The following TENT2 variants were observed in gnomAD, a reference collection of about 807,000 sequenced individuals.
The protein encoded by TENT2 is terminal nucleotidyltransferase 2.
TENT2 carries 44 observed loss-of-function variants against 72.2 expected under a neutral mutation model. That is an observed-to-expected ratio of 0.61 (90% CI 0.48 to 0.78). The LOEUF is 0.78. Ranked by LOEUF, TENT2 falls within the 30% of genes least tolerant of loss-of-function variation. The pLI, the probability that TENT2 is intolerant of heterozygous loss-of-function variation, is 0.00. For synonymous variants in TENT2, 212 were observed against 192.5 expected (o/e 1.10, Z -0.84); for missense variants, 541 against 569.6 (o/e 0.95, Z 0.51).
intron 14 of TENT2, among the ~76,000 whole-genome samples, chr5:79,682,309 C>T (rs149471946): frequency 1.2e-4 from 18 of 152,224 alleles, no homozygotes; most frequent in African/African-American, 4.3e-4. Flanking sequence ...GACGGAGTTT[C>T]ACTCTTGTTG....
At chr5:79,662,725 C>T (rs766909357) in intron 11 of TENT2, among the ~76,000 whole-genome samples, 10 of 152,050 alleles carry the variant, frequency 6.6e-5, no homozygotes, top group African/African-American at 1.2e-4. Flanking sequence ...AGAGCACTGG[C>T]GGAGTAAATT....
At chr5:79,665,323 T>G (rs1180241564) in intron 11 of TENT2, among the ~76,000 whole-genome samples, 1 of 152,212 alleles carries the variant, frequency 6.6e-6, no homozygotes, top group Non-Finnish European at 1.5e-5. Flanking sequence ...CTTAAGCCTT[T>G]CATCATTTAA....
intron 12 of TENT2, among the ~76,000 whole-genome samples, chr5:79,678,891 CTTTCTTTTCT>C (rs201529417): frequency 1.3e-4 from 19 of 151,934 alleles, no homozygotes; most frequent in South Asian, 6.2e-4. Context: ...TTTACTTGTA[CTTTCTTTTCT>C]TTTCTTTTCT....
intron 14 of TENT2, among the ~76,000 whole-genome samples, chr5:79,683,005 AAGT>A (rs1823269097): frequency 6.6e-6 from 1 of 152,138 alleles, no homozygotes; most frequent in African/African-American, 2.4e-5. Context: ...CTAGACATTC[AAGT>A]GGACTTTATT....
chr5:79,633,914 G>A (rs1777798865), intron 4 of TENT2, among the ~76,000 whole-genome samples: 3 of 149,406 alleles, frequency 2.0e-5, no homozygotes, highest in South Asian at 4.2e-4. Flanking sequence ...AGCACTTTGG[G>A]AGGCCGAGGC....
chr5:79,629,768 A>C (rs2150144122), intron 4 of TENT2, among the ~76,000 whole-genome samples: 1 of 151,332 alleles, frequency 6.6e-6, no homozygotes, highest in Non-Finnish European at 1.5e-5. Flanking sequence ...CAGAGCTTGC[A>C]GTGAGCCGAG....
intron 3 of TENT2, among the ~76,000 whole-genome samples, chr5:79,621,126 G>A (rs1380051156): frequency 6.6e-6 from 1 of 151,580 alleles, no homozygotes; most frequent in Admixed American, 6.6e-5. Flanking sequence ...AATAACACTA[G>A]CTAGGAGTTA....
rs1485018352 is a variant in TENT2, at chr5:79,685,322, T to A, written c.*49T>A. ...TCTTCCAAGAAATAAAGAACAATAG[T>A]TTCATCATAATACATTATGTTTACC... On this transcript the variant is annotated 3_prime_UTR_variant, in exon 15 of 15. Transcript: ENST00000453514. 7.4e-7 allele frequency: 1 copy of A among 1,358,120 alleles called. No homozygotes were observed. Among genetic ancestry groups the A allele is most frequent in the Non-Finnish European group, 1.0e-6 (1 of 978,920 alleles). The allele number at this position is 1,358,120 out of a possible 1,614,324, so 84.1% of individuals were successfully genotyped here.
chr5:79,647,824 C>T (rs1790377875), intron 8 of TENT2, among the ~76,000 whole-genome samples: 1 of 151,790 alleles, frequency 6.6e-6, no homozygotes, highest in Admixed American at 6.6e-5. Context: ...TCATTATTGC[C>T]GTATTTTCTA....
intron 12 of TENT2, among the ~76,000 whole-genome samples, chr5:79,677,665 T>C (rs959621901): frequency 7.2e-5 from 11 of 152,228 alleles, no homozygotes; most frequent in African/African-American, 2.4e-4. Context: ...ACTTAACTAG[T>C]ATAAAGTGAA....
rs909378373 is a variant in TENT2, at chr5:79,669,018, A to G, written c.1198A>G (p.Thr400Ala). 12 of 1,613,510 alleles carry G rather than the reference A, an allele frequency of 7.4e-6. No individual in the cohort carries two copies. Among genetic ancestry groups the G allele is most frequent in the Non-Finnish European group, 1.0e-5 (12 of 1,179,794 alleles). Residue 400 changes from threonine to alanine, a missense_variant, in exon 12 of 15, where the codon ACA (threonine) becomes GCA (alanine). Physicochemically the swap from Thr to Ala is moderately conservative, Grantham distance 58. Coordinates refer to ENST00000453514, the MANE Select transcript of TENT2 (RefSeq NM_001114394.3). ...LLLGFLKYYATEFDWNSQMIS... is the reference protein window; with the variant it reads ...LLLGFLKYYAAEFDWNSQMIS... ...ACTGGGCTTTCTTAAATATTATGCTACAGAATTTGAGTAAGTAAAACTTTA... is the reference window on the plus strand; with the variant it reads ...ACTGGGCTTTCTTAAATATTATGCTGCAGAATTTGAGTAAGTAAAACTTTA...
At chr5:79,665,412 AG>A (rs1420590782) in intron 11 of TENT2, among the ~76,000 whole-genome samples, 37 of 152,276 alleles carry the variant, frequency 2.4e-4, no homozygotes, top group African/African-American at 8.7e-4. Context: ...CAGACTTTGA[AG>A]GTAACGTAAG....
In TENT2 at chr5:79,686,860, T is replaced by TG. The variant is rs965652227; in HGVS notation, c.*1594dup. On this transcript the variant is annotated 3_prime_UTR_variant, in exon 15 of 15. Coordinates refer to ENST00000453514, the MANE Select transcript of TENT2 (RefSeq NM_001114394.3). ...TTATGCATTTGAGCTTTTCATATTT[T>TG]GGGGGGGAATTTTTCCTAAAATTTA... Among the ~76,000 whole-genome samples, 6 of 152,106 alleles carry TG rather than the reference T, an allele frequency of 3.9e-5. No homozygotes were observed. Among genetic ancestry groups the TG allele is most frequent in the South Asian group, 2.1e-4 (1 of 4,828 alleles).
chr5:79,652,649 G>A (rs1440022903), intron 10 of TENT2, among the ~76,000 whole-genome samples: 1 of 151,992 alleles, frequency 6.6e-6, no homozygotes, highest in African/African-American at 2.4e-5. Flanking sequence ...TGTTAAAGTA[G>A]TTCAGGCTAA....
At chr5:79,665,940 C>T (rs570239889) in intron 11 of TENT2, among the ~76,000 whole-genome samples, 1 of 150,830 alleles carries the variant, frequency 6.6e-6, no homozygotes, top group Non-Finnish European at 1.5e-5. Context: ...AAATACATAA[C>T]TAAAGTGGGG....
At chr5:79,613,565 T>TTAATTTATACTGATTATA (rs1376938394) in intron 1 of TENT2, among the ~76,000 whole-genome samples, 19 of 152,244 alleles carry the variant, frequency 1.2e-4, no homozygotes, top group South Asian at 6.2e-4. Flanking sequence ...CATAAGGCTA[T>TTAATTTATACTGATTATA]TAATTTATAC....
rs969843343 is a variant in TENT2 at position 79,685,900 on chromosome 5, C to G, written c.*627C>G. Reference sequence around the variant, plus strand: ...TGCTTTTGATGTACTCTTGAGATTGCTTTAAATTTTGTATTGAAACAACAA... The same window carrying G: ...TGCTTTTGATGTACTCTTGAGATTGGTTTAAATTTTGTATTGAAACAACAA... On this transcript the variant is annotated 3_prime_UTR_variant, in exon 15 of 15. Transcript: ENST00000453514. 6.6e-6 allele frequency: 1 copy of G among 152,576 alleles called. No individual in the cohort carries two copies. The highest frequency in any genetic ancestry group is 1.5e-5 in the Non-Finnish European group (1 of 68,032). 9.5% of individuals were successfully genotyped at this position (152,576 alleles called of 1,614,324 possible).
At chr5:79,681,121 T>C (rs1821356659) in intron 13 of TENT2, among the ~76,000 whole-genome samples, 1 of 150,798 alleles carries the variant, frequency 6.6e-6, no homozygotes, top group African/African-American at 2.4e-5. Context: ...AAATTTCTCA[T>C]GCAAGTTACT....
intron 12 of TENT2, among the ~76,000 whole-genome samples, chr5:79,671,713 G>C (rs1337870812): frequency 1.3e-5 from 2 of 152,102 alleles, no homozygotes; most frequent in African/African-American, 4.8e-5. Context: ...CTAGCCAAAA[G>C]TTCTTTTTTC....
Sources: gnomAD v4.1 joint callset for allele counts (sites outside exome capture counted in the v4.1 genomes callset) on GRCh38, gnomAD v4.1.1 for gene constraint, MANE v1.5 for transcripts, NCBI Gene and HGNC (gene_info 2026-07-23, HGNC 2026-07-21) for gene names.